PTK2: variants seen among roughly 807,000 people sequenced by gnomAD.
The protein encoded by PTK2 is protein tyrosine kinase 2.
PTK2 carries 45 observed loss-of-function variants against 150.1 expected under a neutral mutation model. The observed-to-expected ratio is 0.30, with a 90% CI of 0.24 to 0.38. The LOEUF (loss-of-function observed/expected upper bound fraction) is 0.38, where lower values mean the gene tolerates loss of function less well. Ranked by LOEUF, PTK2 falls within the 10% of genes least tolerant of loss-of-function variation. The pLI is 1.00. For synonymous variants in PTK2, 432 were observed against 449.2 expected, an observed-to-expected ratio of 0.96 and a Z score of 0.48; for missense variants, 919 against 1,307.3, an observed-to-expected ratio of 0.70 and a Z score of 4.58.
At chr8:140,657,940 T>G (rs2074936916) in exon 32 of PTK2, 1 of 152,178 alleles carries the variant, frequency 6.6e-6, no homozygotes, top group South Asian at 2.1e-4. Flanking sequence ...TGGAAAAAAT[T>G]CACTCAAATC....
Position 140,820,076 on chromosome 8 carries a change from GTTTTTTTTTTTTT to G in PTK2, c.649-1069_649-1057del, listed in dbSNP as rs370537018. ...AGAGGAGTGACTTTATCTGACTTTG[GTTTTTTTTTTTTT>G]TTTTTTTTTTTTTTTTTTTTTTTTT... is the stretch of plus-strand genomic sequence containing the variant. On this transcript the variant is annotated intron_variant, in intron 8 of 31. Transcript: ENST00000522684. 1.8e-3 allele frequency among the ~76,000 whole-genome samples: 88 copies of G among 50,244 alleles called. 1 individual carries two copies. The East Asian group carries it at 0.018, about 11-fold the overall frequency. The allele number at this position is 50,244 out of a possible 152,430, so 33.0% of individuals were successfully genotyped here.
intron 14 of PTK2, among the ~76,000 whole-genome samples, chr8:140,773,295 G>A (rs1338509952): frequency 2.6e-5 from 4 of 152,188 alleles, no homozygotes; most frequent in Non-Finnish European, 5.9e-5. Flanking sequence ...ATACCATGTA[G>A]GTGCTGGAGT....
At chr8:140,695,163 A>G (rs1450499408) in intron 26 of PTK2, among the ~76,000 whole-genome samples, 1 of 152,146 alleles carries the variant, frequency 6.6e-6, no homozygotes, top group Non-Finnish European at 1.5e-5. Flanking sequence ...TTGGTAGCAC[A>G]ATGTTATTTT....
intron 1 of PTK2, among the ~76,000 whole-genome samples, chr8:140,988,730 A>G (rs1188873567): frequency 3.4e-4 from 2 of 5,872 alleles, no homozygotes; most frequent in Non-Finnish European, 8.7e-4. Context: ...CTCCATCCCA[A>G]AAAAAAAAAA....
At chr8:140,841,835 AAACT>A (rs1752009112) in intron 7 of PTK2, among the ~76,000 whole-genome samples, 1 of 152,080 alleles carries the variant, frequency 6.6e-6, no homozygotes, top group African/African-American at 2.4e-5. Flanking sequence ...ACCAGTAATC[AAACT>A]AATATAAAGC....
At chr8:140,963,862 G>T (rs1569508290) in intron 1 of PTK2, among the ~76,000 whole-genome samples, 1 of 152,260 alleles carries the variant, frequency 6.6e-6, no homozygotes, top group East Asian at 1.9e-4. Context: ...GAGAACTTGA[G>T]GGGGGTTAGG....
At chr8:140,882,180 T>G (rs2100149525) in intron 3 of PTK2, among the ~76,000 whole-genome samples, 1 of 152,212 alleles carries the variant, frequency 6.6e-6, no homozygotes, top group African/African-American at 2.4e-5. Flanking sequence ...TACAAAGTGC[T>G]TAAATATGTG....
intron 7 of PTK2, among the ~76,000 whole-genome samples, chr8:140,844,098 G>A (rs1000108483): frequency 3.9e-5 from 6 of 152,046 alleles, no homozygotes; most frequent in South Asian, 2.1e-4. Flanking sequence ...GTTTTTTCTC[G>A]TGATTAGACT....
chr8:140,943,667 T>C (rs2100176661), intron 1 of PTK2, among the ~76,000 whole-genome samples: 1 of 152,240 alleles, frequency 6.6e-6, no homozygotes, highest in African/African-American at 2.4e-5. Context: ...TCTTTAGCAA[T>C]CATAACATTT....
intron 29 of PTK2, 118 bp from the exon 33 acceptor site, chr8:140,669,853 C>A (rs1475740532): frequency 4.2e-6 from 5 of 1,182,218 alleles, no homozygotes; most frequent in Middle Eastern, 1.9e-4. Context: ...ATGAGCAGAA[C>A]AAAAAGGAGC....
chr8:140,675,565 C>T (rs746111763), intron 27 of PTK2, 66 bp from the exon 31 acceptor site: 61 of 1,221,300 alleles, frequency 5.0e-5, no homozygotes, highest in Non-Finnish European at 7.4e-5. Context: ...CTCTCTCACC[C>T]ACCCTGTCTA....
intron 5 of PTK2, 135 bp from the exon 6 acceptor site, chr8:140,846,813 T>A (rs1415804577): frequency 1.7e-6 from 1 of 604,236 alleles, no homozygotes; most frequent in Non-Finnish European, 2.8e-6. Flanking sequence ...GTTAAAGATA[T>A]AAATAAATGT....
rs563183682 is a variant in PTK2 at position 140,990,732 on chromosome 8, T to C, written c.-122+10393A>G. On this transcript the variant is annotated intron_variant, in intron 1 of 31. Coordinates refer to ENST00000522684, the Ensembl canonical transcript of PTK2. ...TTATCCCTACTCTTCTTCTCTATCT[T>C]GTTAACTTTCATATACTTAAATACC... Among the ~76,000 whole-genome samples, 6 of 152,330 alleles carry C rather than the reference T, an allele frequency of 3.9e-5. No individual in the cohort carries two copies. The South Asian group carries it at 1.2e-3, about 32-fold the overall frequency.
chr8:140,693,609 C>G (rs2100024559), intron 26 of PTK2, among the ~76,000 whole-genome samples: 1 of 122,630 alleles, frequency 8.2e-6, no homozygotes. Context: ...AAAAGGAGCA[C>G]TAGGTATAGT....
intron 1 of PTK2, among the ~76,000 whole-genome samples, chr8:140,984,916 C>T (rs1314750512): frequency 1.3e-5 from 2 of 152,098 alleles, no homozygotes; most frequent in Admixed American, 1.3e-4. Flanking sequence ...ATCTAGTGCA[C>T]GGTTAAATTG....
chr8:140,662,502 CT>C, intron 31 of PTK2: 2 of 398,326 alleles, frequency 5.0e-6, no homozygotes, highest in Non-Finnish European at 8.9e-6. Context: ...AAAACTGAGG[CT>C]TGTCATGGAA....
intron 26 of PTK2, 172 bp from the exon 30 acceptor site, chr8:140,686,866 T>C: frequency 1.6e-6 from 1 of 615,352 alleles, no homozygotes. Context: ...TTGGCTGCCT[T>C]GGGAAGAACT....
chr8:140,908,952 A>C (rs1201384160), intron 2 of PTK2: 3 of 152,292 alleles, frequency 2.0e-5, no homozygotes, highest in Non-Finnish European at 2.9e-5. Context: ...ACAGTGGCTC[A>C]CGCCTGTAAT....
chr8:140,707,587 T>C (rs905000383), intron 23 of PTK2, among the ~76,000 whole-genome samples: 4 of 151,976 alleles, frequency 2.6e-5, no homozygotes, highest in Non-Finnish European at 5.9e-5. Context: ...GTATTTACAG[T>C]AGAGATGGGG....
Sources: gnomAD v4.1 joint callset for allele counts (sites outside exome capture counted in the v4.1 genomes callset) on GRCh38, gnomAD v4.1.1 for gene constraint, MANE v1.5 for transcripts, NCBI Gene and HGNC (gene_info 2026-07-23, HGNC 2026-07-21) for gene names.